ZC3H4: variants seen among roughly 807,000 people sequenced by gnomAD.
ZC3H4 encodes zinc finger CCCH-type containing 4.
Under a neutral mutation model 108.3 loss-of-function variants are expected in ZC3H4, and 13 were observed. The observed-to-expected ratio is 0.12, with a 90% CI of 0.08 to 0.19. ZC3H4 has a LOEUF of 0.19. Among genes scored for constraint, ZC3H4 ranks in the 10% least tolerant of loss-of-function variants. The pLI is 1.00. For synonymous variants in ZC3H4, 917 were observed against 749.6 expected, an observed-to-expected ratio of 1.22 and a Z score of -3.65; for missense variants, 1,734 against 1,838.8, an observed-to-expected ratio of 0.94 and a Z score of 1.04.
At position 47,066,482 on chromosome 19, in the gene ZC3H4, T is replaced by G; in HGVS notation, c.3786A>C (p.Thr1262=). ...VPTLFGTVKQ[T]PKTGSGSPFA... ...ATGGGCTTCCTGAGCCCGTCTTGGG[T>G]GTCTGCTTCACCGTCCCGAAGAGGG... The change falls in exon 15 of 15, where the codon ACA becomes ACC. Residue 1262 remains threonine, a synonymous_variant. Transcript: ENST00000253048. The G allele has an allele frequency of 6.3e-7, 1 of 1,583,074 alleles. No individual in the cohort carries two copies. Among genetic ancestry groups the G allele is most frequent in the Non-Finnish European group, 8.6e-7 (1 of 1,163,960 alleles).
chr19:47,078,202 T>C (rs1238632752), intron 11 of ZC3H4, among the ~76,000 whole-genome samples: 2 of 152,200 alleles, frequency 1.3e-5, no homozygotes, highest in East Asian at 3.8e-4. Context: ...AAATTATGTT[T>C]GGCGATAAAT....
chr19:47,071,966 GGCATGTCTGCGT>G lies in ZC3H4; in HGVS notation c.1946_1957del (p.His649_Met652del), dbSNP rs548858570. The G allele has an allele frequency of 0.011, 18,162 of 1,611,744 alleles. 128 individuals carry two copies. The highest frequency in any genetic ancestry group is 0.014 in the Non-Finnish European group (16,021 of 1,178,944). ...GCCAGGATTCATGCCAGGGCCCATC[GGCATGTCTGCGT>G]GCATGTCTGCGTGCATGTCAGGGTG... On this transcript the variant is annotated inframe_deletion, in exon 13 of 15. Transcript: ENST00000253048.
rs554457154 is a variant in ZC3H4 at position 47,074,347 on chromosome 19, G to A, written c.1441-1634C>T. ...TCAACCTCCCCATCAACTCCAAGAG[G>A]GCAGGACTGTTTCTTCCCTGCTATA... is the stretch of plus-strand genomic sequence containing the variant. On this transcript the variant is annotated intron_variant, in intron 11 of 14. Transcript: ENST00000253048. Among the ~76,000 whole-genome samples, 48 of 152,282 alleles carry A rather than the reference G, an allele frequency of 3.2e-4. 1 individual carries two copies. Among genetic ancestry groups the A allele is most frequent in the Admixed American group, 2.7e-3 (42 of 15,296 alleles).
At chr19:47,079,833 G>C (rs1435656705) in intron 11 of ZC3H4, among the ~76,000 whole-genome samples, 1 of 152,202 alleles carries the variant, frequency 6.6e-6, no homozygotes, top group African/African-American at 2.4e-5. Flanking sequence ...GTTGCAGGGA[G>C]CCGAGATTGT....
In ZC3H4 at chr19:47,069,248, G is replaced by A; in HGVS notation, c.2242C>T (p.Pro748Ser). The A allele has an allele frequency of 6.2e-7, 1 of 1,613,770 alleles. No individual in the cohort carries two copies. Among genetic ancestry groups the A allele is most frequent in the Non-Finnish European group, 8.5e-7 (1 of 1,179,942 alleles). The change falls in exon 14 of 15, where the codon CCC becomes TCC. Residue 748 changes from proline to serine, a missense_variant. Transcript: ENST00000253048. ...LEPDSFSEGG[P>S]PGRPKPGAGV... ...GCGCCTGGCTTCGGCCGGCCTGGGG[G>A]CCCTCCCTCAGAGAAGCTGTCGGGC...
chr19:47,093,741 C>A, intron 4 of ZC3H4: 1 of 436,770 alleles, frequency 2.3e-6, no homozygotes, highest in Non-Finnish European at 4.1e-6. Context: ...ACAGGCATGC[C>A]TGGTTAATTT....
chr19:47,076,132 T>G (rs1474035376), intron 11 of ZC3H4, among the ~76,000 whole-genome samples: 2 of 152,200 alleles, frequency 1.3e-5, no homozygotes, highest in African/African-American at 4.8e-5. Flanking sequence ...ACCAACGCTG[T>G]TGCCTCGAAC....
At position 47,112,464 on chromosome 19, in the gene ZC3H4, G is replaced by C; in HGVS notation, c.121C>G (p.Pro41Ala). 1.6e-6 allele frequency: 2 copies of C among 1,223,718 alleles called. No individual in the cohort carries two copies. Among genetic ancestry groups the C allele is most frequent in the South Asian group, 4.0e-5 (1 of 24,704 alleles). 75.8% of individuals were successfully genotyped at this position (1,223,718 alleles called of 1,614,324 possible). A position where few individuals can be genotyped will look rare whatever the true frequency, so the allele number is the denominator to read the frequency against. The stretch of plus-strand genomic sequence containing the variant: ...GGGAGGCGGTGGTGGAGGAGGTGCG[G>C]GGTGGCCGGGCGGGCGTCGGGGGAA... The part of the protein sequence containing the change: ...PCSPDARPAT[P>A]HLLHHRLPLP... The change falls in exon 2 of 15, where the codon CCG becomes GCG. Residue 41 changes from proline to alanine, a missense_variant. This residue lies in a region of ZC3H4 where 112 missense variants were observed against 73.3 expected (regional missense o/e 1.53). Coordinates refer to ENST00000253048, the MANE Select transcript of ZC3H4 (RefSeq NM_015168.2).
At chr19:47,106,345 G>A (rs2057967955) in intron 2 of ZC3H4, among the ~76,000 whole-genome samples, 1 of 152,226 alleles carries the variant, frequency 6.6e-6, no homozygotes, top group Admixed American at 6.5e-5. Flanking sequence ...ACTTTGGGAG[G>A]CTGAGGTGGA....
chr19:47,113,036 G>A (rs1014700131), intron 1 of ZC3H4, among the ~76,000 whole-genome samples: 3 of 152,252 alleles, frequency 2.0e-5, no homozygotes, highest in African/African-American at 4.8e-5. Context: ...CCGCGGAGAC[G>A]GGCCGACTGT....
intron 1 of ZC3H4, 65 bp from the exon 2 acceptor site, chr19:47,112,654 C>T: frequency 8.8e-7 from 1 of 1,133,436 alleles, no homozygotes; most frequent in East Asian, 3.2e-5. Context: ...GAGGGGCACA[C>T]TTAAGCTCGG....
chr19:47,090,048 T>C lies in ZC3H4; in HGVS notation c.634A>G (p.Met212Val), dbSNP rs764008657. Residue 212 changes from methionine to valine, a missense_variant, in exon 5 of 15, where the codon ATG becomes GTG. Met to Val is a conservative substitution (Grantham distance 21, BLOSUM62 1). Transcript: ENST00000253048. ...AAGTCGTCATAGTCCTCCTTGCCCATGTCCTCCTCCTCGTCGCCCTCATAT... is the reference window on the plus strand; with the variant it reads ...AAGTCGTCATAGTCCTCCTTGCCCACGTCCTCCTCCTCGTCGCCCTCATAT... ...GEYEGDEEEDMGKEDYDDFTK... is the reference protein window; with the variant it reads ...GEYEGDEEEDVGKEDYDDFTK... The C allele has an allele frequency of 1.9e-6, 3 of 1,614,092 alleles. No individual in the cohort carries two copies. The highest frequency in any genetic ancestry group is 1.3e-5 in the African/African-American group (1 of 74,946).
intron 2 of ZC3H4, chr19:47,112,059 A>C (rs1600124380): frequency 1.1e-6 from 1 of 940,122 alleles, no homozygotes; most frequent in Non-Finnish European, 1.3e-6. Flanking sequence ...GGCAGCCAGG[A>C]CCCCCGTGGG....
intron 2 of ZC3H4, among the ~76,000 whole-genome samples, chr19:47,103,838 G>A (rs1306593786): frequency 6.6e-6 from 1 of 151,866 alleles, no homozygotes; most frequent in Non-Finnish European, 1.5e-5. Flanking sequence ...CAGCTACTCA[G>A]GAGGCTGAGG....
chr19:47,089,623 G>A (rs1298000839), intron 5 of ZC3H4, among the ~76,000 whole-genome samples: 1 of 152,198 alleles, frequency 6.6e-6, no homozygotes, highest in Non-Finnish European at 1.5e-5. Context: ...ATGGGGCTGG[G>A]AGAATGGGGG....
At chr19:47,109,954 G>GGGAC (rs1297550298) in intron 2 of ZC3H4, among the ~76,000 whole-genome samples, 6 of 152,182 alleles carry the variant, frequency 3.9e-5, no homozygotes, top group African/African-American at 1.4e-4. Context: ...GGAGGCCGGG[G>GGGAC]GGACTGGGGG....
chr19:47,067,521 T>G lies in ZC3H4; in HGVS notation c.2747A>C (p.Lys916Thr), dbSNP rs2057236390. Residue 916 changes from lysine to threonine, a missense_variant, in exon 15 of 15, where the codon AAG becomes ACG. Physicochemically the swap from Lys to Thr is moderately conservative, Grantham distance 78. Transcript: ENST00000253048. The surrounding 1 kb of genome is among the most constrained non-coding windows in gnomAD (Gnocchi z 6.4). Reference sequence around the variant, plus strand: ...CTCCGTTGGGGGCGGCCCAGACCCCTTGGAACTGCTGGGGCCCACAGGGCT... The same window carrying G: ...CTCCGTTGGGGGCGGCCCAGACCCCGTGGAACTGCTGGGGCCCACAGGGCT... ...HSSPVGPSSS[K>T]GSGPPPTEEE... The G allele has an allele frequency of 1.3e-6, 2 of 1,594,776 alleles. No homozygotes were observed. Among genetic ancestry groups the G allele is most frequent in the African/African-American group, 1.3e-5 (1 of 74,490 alleles).
intron 11 of ZC3H4, among the ~76,000 whole-genome samples, chr19:47,077,468 TAA>T (rs751302059): frequency 2.5e-5 from 3 of 122,280 alleles, no homozygotes; most frequent in Admixed American, 8.2e-5. Context: ...AACTCCGTCT[TAA>T]AAAAAAAAAA....
At chr19:47,103,541 T>C (rs1475621347) in intron 2 of ZC3H4, among the ~76,000 whole-genome samples, 2 of 152,076 alleles carry the variant, frequency 1.3e-5, no homozygotes, top group Non-Finnish European at 2.9e-5. Flanking sequence ...CTCATTACTT[T>C]GGGAGGACAA....
Sources: allele counts gnomAD v4.1 joint callset (sites outside exome capture counted in the v4.1 genomes callset), GRCh38; gene constraint gnomAD v4.1.1; regional missense constraint gnomAD v4.1.1; non-coding constraint Gnocchi (gnomAD v3.1); transcripts MANE v1.5; gene names NCBI Gene and HGNC (gene_info 2026-07-23, HGNC 2026-07-21).